RORB: variants seen among roughly 807,000 people sequenced by gnomAD.
RORB encodes the protein nuclear receptor ROR-beta.
In RORB, 6 loss-of-function variants were observed where a neutral mutation model predicts 59.1. That is an observed-to-expected ratio of 0.10 (90% CI 0.06 to 0.20). The LOEUF (loss-of-function observed/expected upper bound fraction) is 0.20, where lower values mean the gene tolerates loss of function less well. RORB is among the 10% of genes least tolerant of loss of function. RORB has a pLI of 1.00. For synonymous variants in RORB, 215 were observed against 204.5 expected (o/e 1.05, Z -0.44); for missense variants, 320 against 560.5 (o/e 0.57, Z 4.33).
rs189696087 is a variant in RORB, at chr9:74,691,048, G to C, written c.*5430G>C. On this transcript the variant is annotated 3_prime_UTR_variant, in exon 10 of 10. Coordinates refer to ENST00000376896, the MANE Select transcript of RORB (RefSeq NM_006914.4). ...TGATCATGTAGTCCTCCATTGTTTG[G>C]AAGTGCAGACCATGGATTCCTATGC... The C allele has an allele frequency of 1.2e-4, 18 of 152,252 alleles. 1 individual carries two copies. The East Asian group carries it at 3.3e-3, about 28-fold the overall frequency. 9.4% of individuals were successfully genotyped at this position (152,252 alleles called of 1,614,324 possible).
At chr9:74,654,918 G>A (rs1477712770) in intron 4 of RORB, among the ~76,000 whole-genome samples, 3 of 152,176 alleles carry the variant, frequency 2.0e-5, no homozygotes, top group African/African-American at 7.2e-5. Context: ...GTGATAGCAA[G>A]TGATTGTTCA....
At chr9:74,529,186 G>A (rs1826197910) in intron 1 of RORB, among the ~76,000 whole-genome samples, 1 of 151,768 alleles carries the variant, frequency 6.6e-6, no homozygotes, top group Non-Finnish European at 1.5e-5. Flanking sequence ...TAATTTTCTT[G>A]ATACAGGGGA....
At chr9:74,648,557 A>G (rs1240654701) in intron 4 of RORB, among the ~76,000 whole-genome samples, 2 of 152,186 alleles carry the variant, frequency 1.3e-5, no homozygotes, top group African/African-American at 4.8e-5. Flanking sequence ...ATGATGCTGA[A>G]TAACTTGTCC....
intron 1 of RORB, among the ~76,000 whole-genome samples, chr9:74,541,279 CAAAAAAAAAAAAAA>C (rs374556016): frequency 2.3e-5 from 1 of 43,614 alleles, no homozygotes; most frequent in Non-Finnish European, 3.5e-5. Flanking sequence ...GACTCCATCT[CAAAAAAAAAAAAAA>C]AAAAAAAAAA....
In RORB at chr9:74,559,653, T is replaced by A. The variant is rs1189907056; in HGVS notation, c.7+61670T>A. On this transcript the variant is annotated intron_variant, in intron 1 of 9. Transcript: ENST00000376896. ...TTTTTATACACAAAGACAGGACCTT[T>A]GGACTTTAAAGATCACTCAGGCTAG... 4.6e-5 allele frequency among the ~76,000 whole-genome samples: 7 copies of A among 152,296 alleles called. No homozygotes were observed. In the South Asian group the frequency reaches 1.0e-3, roughly 23 times the overall value.
chr9:74,593,482 A>G (rs535952068), intron 1 of RORB, among the ~76,000 whole-genome samples: 17 of 151,904 alleles, frequency 1.1e-4, no homozygotes, highest in African/African-American at 3.6e-4. Flanking sequence ...AAAAAAAAAA[A>G]AACAAAAGAG....
intron 5 of RORB, among the ~76,000 whole-genome samples, chr9:74,662,259 C>G (rs1194804687): frequency 3.9e-5 from 6 of 152,126 alleles, no homozygotes; most frequent in Non-Finnish European, 2.9e-5. Flanking sequence ...AGCCTCAGTA[C>G]TTTGATCATT....
intron 1 of RORB, among the ~76,000 whole-genome samples, chr9:74,619,383 A>G (rs564055179): frequency 6.6e-6 from 1 of 152,308 alleles, no homozygotes; most frequent in East Asian, 1.9e-4. Flanking sequence ...GAATTATAGT[A>G]TTCATTGTGA....
intron 1 of RORB, among the ~76,000 whole-genome samples, chr9:74,546,624 C>G (rs998826804): frequency 6.6e-6 from 1 of 152,118 alleles, no homozygotes; most frequent in African/African-American, 2.4e-5. Context: ...AGAGAAGTGG[C>G]AGATAGACCA....
At chr9:74,665,883 T>C (rs1319773863) in intron 7 of RORB, among the ~76,000 whole-genome samples, 8 of 152,180 alleles carry the variant, frequency 5.3e-5, no homozygotes, top group South Asian at 2.1e-4. Flanking sequence ...GGCTCATGCG[T>C]ATAATCCTAG....
intron 8 of RORB, among the ~76,000 whole-genome samples, chr9:74,668,301 T>C (rs1183975543): frequency 3.3e-5 from 5 of 152,242 alleles, no homozygotes; most frequent in African/African-American, 7.2e-5. Context: ...AATGGGGACC[T>C]ACATAAGTAA....
intron 1 of RORB, among the ~76,000 whole-genome samples, chr9:74,599,765 C>T (rs895317830): frequency 2.0e-5 from 3 of 152,188 alleles, no homozygotes; most frequent in Admixed American, 2.0e-4. Context: ...TGACTCCATG[C>T]CCTGGCTGTT....
intron 1 of RORB, 81 bp from the exon 2 acceptor site, chr9:74,630,201 G>C (rs1439611691): frequency 6.4e-7 from 1 of 1,552,652 alleles, no homozygotes; most frequent in Non-Finnish European, 8.7e-7. Context: ...TCAAGGCAGA[G>C]ATAGATGGGG....
chr9:74,550,223 G>GA (rs546768765), intron 1 of RORB, among the ~76,000 whole-genome samples: 16 of 151,756 alleles, frequency 1.1e-4, no homozygotes, highest in East Asian at 1.9e-4. Context: ...ACTTAAAGAA[G>GA]AAAAAAAATC....
chr9:74,543,752 C>T lies in RORB; in HGVS notation c.7+45769C>T, dbSNP rs149239181. On this transcript the variant is annotated intron_variant, in intron 1 of 9. Transcript: ENST00000376896. Reference sequence around the variant, plus strand: ...TTCTATCAAAAACTAATATAATCCCCTTATCAATGATCTTTAAAAGAGAGT... The same window carrying T: ...TTCTATCAAAAACTAATATAATCCCTTTATCAATGATCTTTAAAAGAGAGT... Among the ~76,000 whole-genome samples, 713 of 150,550 alleles carry T rather than the reference C, an allele frequency of 4.7e-3. 3 individuals are homozygous for T. The highest frequency in any genetic ancestry group is 0.016 in the African/African-American group (640 of 40,812).
intron 1 of RORB, among the ~76,000 whole-genome samples, chr9:74,614,581 C>T (rs1269498952): frequency 6.6e-6 from 1 of 151,338 alleles, no homozygotes; most frequent in African/African-American, 2.4e-5. Context: ...TTTAAATATA[C>T]ATAATAAAAT....
chr9:74,685,117 T>C (rs1214998922), intron 9 of RORB, among the ~76,000 whole-genome samples: 15 of 152,086 alleles, frequency 9.9e-5, no homozygotes, highest in Admixed American at 9.8e-4. Flanking sequence ...AGCTACACCA[T>C]TACTAAGCTC....
intron 1 of RORB, among the ~76,000 whole-genome samples, chr9:74,551,851 T>C (rs1439232971): frequency 3.3e-5 from 5 of 152,194 alleles, no homozygotes; most frequent in Non-Finnish European, 1.5e-5. Flanking sequence ...TTTTTCACCC[T>C]TTTTTGTTGA....
chr9:74,606,466 G>T (rs1372618651), intron 1 of RORB, among the ~76,000 whole-genome samples: 3 of 152,090 alleles, frequency 2.0e-5, no homozygotes, highest in Non-Finnish European at 4.4e-5. Context: ...ATTTTGGTTG[G>T]CTGTAAGATG....
Sources: allele counts gnomAD v4.1 joint callset (sites outside exome capture counted in the v4.1 genomes callset), GRCh38; gene constraint gnomAD v4.1.1; transcripts MANE v1.5; gene names NCBI Gene and HGNC (gene_info 2026-07-23, HGNC 2026-07-21).